The following KCNJ16 variants were observed in gnomAD, a reference collection of about 807,000 sequenced individuals.
KCNJ16 encodes the protein potassium inwardly rectifying channel subfamily J member 16.
Under a neutral mutation model 18.5 loss-of-function variants are expected in KCNJ16, and 15 were observed. The ratio of observed to expected loss-of-function variants is 0.81; its 90% CI spans 0.54 to 1.25. The LOEUF (loss-of-function observed/expected upper bound fraction) is 1.25. Ranked by LOEUF, KCNJ16 falls within the 50% of genes most tolerant of loss-of-function variation. The pLI, the probability that KCNJ16 is intolerant of heterozygous loss-of-function variation, is 0.00. For missense variants in KCNJ16, 523 were observed against 525.7 expected, an observed-to-expected ratio of 0.99 and a Z score of 0.05; for synonymous variants, 174 against 186.5, an observed-to-expected ratio of 0.93 and a Z score of 0.55.
intron 3 of KCNJ16, chr17:70,131,514 A>C: frequency 2.0e-6 from 2 of 981,924 alleles, no homozygotes; most frequent in Non-Finnish European, 2.4e-6. Flanking sequence ...ACAATTATGA[A>C]AGTTACATTA....
At chr17:70,110,481 C>T (rs1002142898) in intron 2 of KCNJ16, among the ~76,000 whole-genome samples, 2 of 113,728 alleles carry the variant, frequency 1.8e-5, no homozygotes, top group Admixed American at 8.5e-5. Context: ...ACTTCGTGCG[C>T]GCACACACAC....
intron 2 of KCNJ16, among the ~76,000 whole-genome samples, chr17:70,106,232 A>G (rs1264103889): frequency 2.6e-5 from 4 of 152,200 alleles, no homozygotes; most frequent in Non-Finnish European, 5.9e-5. Flanking sequence ...TTTTTTAAAA[A>G]AGATTAGAAG....
At chr17:70,076,222 T>G (rs1216048577) in intron 1 of KCNJ16, among the ~76,000 whole-genome samples, 2 of 152,180 alleles carry the variant, frequency 1.3e-5, no homozygotes, top group African/African-American at 4.8e-5. Flanking sequence ...TGCTAAATAT[T>G]ACTCTTATGG....
At chr17:70,100,944 C>T (rs772231118) in intron 2 of KCNJ16, 178 bp downstream of exon 2, 3 of 152,178 alleles carry the variant, frequency 2.0e-5, no homozygotes, top group Non-Finnish European at 4.4e-5. Flanking sequence ...ACATTGCTTC[C>T]TTTTGTTCAC....
chr17:70,125,973 A>T (rs973625707), intron 2 of KCNJ16, among the ~76,000 whole-genome samples: 1 of 151,942 alleles, frequency 6.6e-6, no homozygotes, highest in Non-Finnish European at 1.5e-5. Flanking sequence ...TGAAAGAATA[A>T]AGAATAGCTA....
At chr17:70,115,363 A>G (rs927529671) in intron 2 of KCNJ16, among the ~76,000 whole-genome samples, 5 of 152,080 alleles carry the variant, frequency 3.3e-5, no homozygotes, top group African/African-American at 1.2e-4. Context: ...GGGGACAGCT[A>G]TTTAGGCAAA....
intron 3 of KCNJ16, chr17:70,131,481 G>A (rs2074056384): frequency 1.0e-6 from 1 of 998,778 alleles, no homozygotes; most frequent in East Asian, 1.1e-4. Flanking sequence ...GGTGCTGAAG[G>A]TGAGGGATTA....
intron 1 of KCNJ16, among the ~76,000 whole-genome samples, chr17:70,085,632 A>G (rs75367899): frequency 0.034 from 5,240 of 152,324 alleles, 88 homozygotes; most frequent in Middle Eastern, 0.061. Flanking sequence ...ATGCTCAGGC[A>G]TTGAAATAAT....
At chr17:70,128,248 T>C (rs962019786) in intron 2 of KCNJ16, 12 of 152,216 alleles carry the variant, frequency 7.9e-5, no homozygotes, top group Non-Finnish European at 1.3e-4. Context: ...TGTACTAAAT[T>C]ATTAAAAGTT....
intron 1 of KCNJ16, among the ~76,000 whole-genome samples, chr17:70,098,263 C>A (rs2072470524): frequency 6.6e-6 from 1 of 152,156 alleles, no homozygotes; most frequent in South Asian, 2.1e-4. Context: ...CAACAAGTAA[C>A]TACTGCAGAA....
chr17:70,119,163 C>G (rs1214864764), intron 2 of KCNJ16, among the ~76,000 whole-genome samples: 1 of 152,222 alleles, frequency 6.6e-6, no homozygotes, highest in Non-Finnish European at 1.5e-5. Flanking sequence ...CCAGAGCACG[C>G]TGGTGCAAGG....
chr17:70,108,602 A>G (rs1165127315), intron 2 of KCNJ16, among the ~76,000 whole-genome samples: 3 of 152,164 alleles, frequency 2.0e-5, no homozygotes, highest in Non-Finnish European at 4.4e-5. Context: ...CCACTCCTTC[A>G]TCACTATAGT....
intron 2 of KCNJ16, among the ~76,000 whole-genome samples, chr17:70,122,846 T>G: frequency 6.6e-6 from 1 of 152,172 alleles, no homozygotes; most frequent in Non-Finnish European, 1.5e-5. Context: ...CGTGAAGTTC[T>G]GATTGGCCAC....
intron 2 of KCNJ16, among the ~76,000 whole-genome samples, chr17:70,103,299 T>TAC (rs1422192078): frequency 5.0e-5 from 1 of 20,198 alleles, no homozygotes; most frequent in African/African-American, 1.4e-4. Flanking sequence ...TGTGTGTGTA[T>TAC]ATATATATAT....
intron 2 of KCNJ16, among the ~76,000 whole-genome samples, chr17:70,126,890 G>A (rs2073873746): frequency 6.6e-6 from 1 of 152,100 alleles, no homozygotes; most frequent in Non-Finnish European, 1.5e-5. Flanking sequence ...CAGCATTTGG[G>A]GAGAGGTAGG....
rs913586574 is a variant in KCNJ16 at position 70,110,146 on chromosome 17, A to G, written c.-191+9380A>G. On this transcript the variant is annotated intron_variant, in intron 2 of 3. Transcript: ENST00000392671. ...ATCTCTAATTTGACATGACAAACAG[A>G]CTCTCCATCGTCACCTGTTATGGTG... Among the ~76,000 whole-genome samples the G allele has an allele frequency of 2.5e-4, 38 of 151,574 alleles. 1 individual carries two copies. Among genetic ancestry groups the G allele is most frequent in the Non-Finnish European group, 1.5e-5 (1 of 67,902 alleles).
At chr17:70,095,661 G>A (rs938036006) in intron 1 of KCNJ16, among the ~76,000 whole-genome samples, 7 of 152,000 alleles carry the variant, frequency 4.6e-5, no homozygotes, top group African/African-American at 1.4e-4. Context: ...TCAGATGATC[G>A]TTGTTTATTT....
At chr17:70,088,938 A>G (rs2071961419) in intron 1 of KCNJ16, among the ~76,000 whole-genome samples, 1 of 152,210 alleles carries the variant, frequency 6.6e-6, no homozygotes, top group Non-Finnish European at 1.5e-5. Flanking sequence ...AATTCAATTT[A>G]AAATTGAATT....
intron 2 of KCNJ16, chr17:70,101,882 A>G (rs937427772): frequency 6.6e-6 from 1 of 152,212 alleles, no homozygotes; most frequent in African/African-American, 2.4e-5. Context: ...TGTGGATTTT[A>G]GGACATTTTA....
Sources: gnomAD v4.1 joint callset for allele counts (sites outside exome capture counted in the v4.1 genomes callset) on GRCh38, gnomAD v4.1.1 for gene constraint, MANE v1.5 for transcripts, NCBI Gene and HGNC (gene_info 2026-07-23, HGNC 2026-07-21) for gene names.